Variants in KMT2E observed in about 807,000 individuals in gnomAD.
KMT2E encodes lysine methyltransferase 2E (inactive).
KMT2E carries 30 observed loss-of-function variants against 184.6 expected under a neutral mutation model. That is an observed-to-expected ratio of 0.16 (90% CI 0.12 to 0.22). KMT2E has a LOEUF of 0.22. KMT2E is among the 10% of genes least tolerant of loss of function. The pLI is 1.00. For missense variants in KMT2E, 2,023 were observed against 2,237.4 expected, an observed-to-expected ratio of 0.90 and a Z score of 1.93; for synonymous variants, 815 against 776.5, an observed-to-expected ratio of 1.05 and a Z score of -0.82.
chr7:105,065,046 C>G (rs1256800788), intron 5 of KMT2E, among the ~76,000 whole-genome samples: 1 of 152,024 alleles, frequency 6.6e-6, no homozygotes, highest in Non-Finnish European at 1.5e-5. Flanking sequence ...ATTGAAGGAC[C>G]AGTTCACAGT....
intron 13 of KMT2E, among the ~76,000 whole-genome samples, chr7:105,087,268 TATA>T (rs2129568725): frequency 7.1e-6 from 1 of 141,108 alleles, no homozygotes; most frequent in African/African-American, 2.8e-5. Context: ...TGAGCATATA[TATA>T]ATATATAAAT....
chr7:105,043,595 G>GT (rs1166390574), intron 3 of KMT2E, among the ~76,000 whole-genome samples: 2 of 152,090 alleles, frequency 1.3e-5, no homozygotes, highest in African/African-American at 2.4e-5. Context: ...ATTTGTGATG[G>GT]TTTTTTAATG....
intron 3 of KMT2E, among the ~76,000 whole-genome samples, chr7:105,049,198 A>T (rs1796227221): frequency 6.6e-6 from 1 of 152,106 alleles, no homozygotes; most frequent in South Asian, 2.1e-4. Context: ...TATTCCTAGC[A>T]CTTTGGGAGG....
intron 3 of KMT2E, among the ~76,000 whole-genome samples, chr7:105,054,608 G>A (rs1211181229): frequency 2.0e-5 from 3 of 152,048 alleles, no homozygotes; most frequent in African/African-American, 7.2e-5. Context: ...TCTGCTTCCT[G>A]GGTTCAAGCG....
intron 15 of KMT2E, among the ~76,000 whole-genome samples, chr7:105,094,590 C>T (rs1214245354): frequency 6.6e-6 from 1 of 152,146 alleles, no homozygotes; most frequent in African/African-American, 2.4e-5. Flanking sequence ...AAGATGTTCA[C>T]CTAGACTCGG....
chr7:105,046,597 A>G (rs1796114092), intron 3 of KMT2E, among the ~76,000 whole-genome samples: 1 of 152,220 alleles, frequency 6.6e-6, no homozygotes, highest in South Asian at 2.1e-4. Context: ...ATGGAATGCA[A>G]GATCTTTTTA....
chr7:105,084,527 T>C (rs1797884718), intron 13 of KMT2E, among the ~76,000 whole-genome samples: 1 of 151,730 alleles, frequency 6.6e-6, no homozygotes, highest in Non-Finnish European at 1.5e-5. Flanking sequence ...CTCGGGAGGC[T>C]GAGGCAGAAG....
At chr7:105,072,178 T>C (rs1797348721) in intron 6 of KMT2E, among the ~76,000 whole-genome samples, 2 of 151,928 alleles carry the variant, frequency 1.3e-5, no homozygotes, top group Non-Finnish European at 2.9e-5. Flanking sequence ...GTTAGCCAGG[T>C]GTGGTGGCGG....
At chr7:105,092,191 G>A (rs1798233354) in intron 15 of KMT2E, among the ~76,000 whole-genome samples, 1 of 152,116 alleles carries the variant, frequency 6.6e-6, no homozygotes, top group Admixed American at 6.5e-5. Context: ...CAAGGTGGGT[G>A]GATTACCTGA....
intron 6 of KMT2E, among the ~76,000 whole-genome samples, chr7:105,068,219 G>A (rs1475605509): frequency 6.6e-6 from 1 of 151,872 alleles, no homozygotes; most frequent in Non-Finnish European, 1.5e-5. Context: ...CTGTAAGAAG[G>A]TGTTTATGTC....
At chr7:105,031,206 A>C (rs182563446) in intron 1 of KMT2E, among the ~76,000 whole-genome samples, 203 of 151,476 alleles carry the variant, frequency 1.3e-3, no homozygotes, top group African/African-American at 4.5e-3. Flanking sequence ...AAAACATAAA[A>C]AATTATCCAG....
At chr7:105,106,431 T>C (rs2129569813) in intron 19 of KMT2E, 91 bp from the exon 20 acceptor site, 1 of 1,239,962 alleles carries the variant, frequency 8.1e-7, no homozygotes, top group East Asian at 2.4e-5. Flanking sequence ...ACTGCCATTG[T>C]TTATATTTTA....
chr7:105,083,748 GCAT>G (rs2129568500), intron 13 of KMT2E, among the ~76,000 whole-genome samples: 1 of 152,194 alleles, frequency 6.6e-6, no homozygotes, highest in South Asian at 2.1e-4. Flanking sequence ...ATTTGTGTCT[GCAT>G]TAAAAGACTT....
At chr7:105,083,850 C>T (rs1052972755) in intron 13 of KMT2E, among the ~76,000 whole-genome samples, 9 of 152,154 alleles carry the variant, frequency 5.9e-5, no homozygotes, top group African/African-American at 1.9e-4. Flanking sequence ...AGTGGCTTTA[C>T]CTGTTAAGCT....
At chr7:105,111,673 A>G in intron 26 of KMT2E, 152 bp from the exon 27 acceptor site, 1 of 891,990 alleles carries the variant, frequency 1.1e-6, no homozygotes. Flanking sequence ...TGGCCTTTTA[A>G]CATCCCAAGC....
intron 7 of KMT2E, among the ~76,000 whole-genome samples, chr7:105,074,313 A>T (rs1657035914): frequency 6.6e-6 from 1 of 152,198 alleles, no homozygotes; most frequent in African/African-American, 2.4e-5. Context: ...CTGGGTCAGA[A>T]GGTATGTACA....
chr7:105,070,737 C>T (rs1049351327), intron 6 of KMT2E, among the ~76,000 whole-genome samples: 5 of 151,348 alleles, frequency 3.3e-5, no homozygotes, highest in Admixed American at 6.6e-5. Context: ...TGCTTGAGCC[C>T]GGGAGGTTGA....
Position 105,101,513 on chromosome 7 carries a change from G to A in KMT2E, c.1811G>A (p.Arg604Lys). 1 of 1,593,394 alleles carries A rather than the reference G, an allele frequency of 6.3e-7. No individual in the cohort carries two copies. Among genetic ancestry groups the A allele is most frequent in the South Asian group, 1.2e-5 (1 of 86,626 alleles). The change falls in exon 16 of 27, where the codon AGG becomes AAG. Residue 604 changes from arginine to lysine, a missense_variant. This residue lies in a region of KMT2E where 514 missense variants were observed against 621.8 expected (regional missense o/e 0.83). Transcript: ENST00000311117. Reference protein sequence around the residue: ...REKRREQALERISTAKTEVKT... With the variant: ...REKRREQALEKISTAKTEVKT... ...AAAAGAAGAGAACAAGCTTTGGAAAGGATCAGCACAGCCAAAACTGAAGTT... is the reference window on the plus strand; with the variant it reads ...AAAAGAAGAGAACAAGCTTTGGAAAAGATCAGCACAGCCAAAACTGAAGTT...
chr7:105,053,661 C>T (rs1216583472), intron 3 of KMT2E, among the ~76,000 whole-genome samples: 2 of 151,928 alleles, frequency 1.3e-5, no homozygotes, highest in African/African-American at 4.8e-5. Flanking sequence ...TCTCTTGAGC[C>T]CAGGATTTTT....
Sources: allele counts gnomAD v4.1 joint callset (sites outside exome capture counted in the v4.1 genomes callset), GRCh38; gene constraint gnomAD v4.1.1; regional missense constraint gnomAD v4.1.1; transcripts MANE v1.5; gene names NCBI Gene and HGNC (gene_info 2026-07-23, HGNC 2026-07-21).